The following PARD3B variants were observed in gnomAD, a reference collection of about 807,000 sequenced individuals.
PARD3B encodes the protein par-3 family cell polarity regulator beta, also known as partitioning defective 3 homolog B.
PARD3B carries 103 observed loss-of-function variants against 130.2 expected under a neutral mutation model. The ratio of observed to expected loss-of-function variants is 0.79; its 90% CI spans 0.67 to 0.93. The LOEUF (loss-of-function observed/expected upper bound fraction) is 0.93. Among genes scored for constraint, PARD3B ranks in the 40% least tolerant of loss-of-function variants. The probability of loss-of-function intolerance (pLI) is 0.00; values close to 1 mark genes in which losing one functional copy is unlikely to be tolerated. For synonymous variants in PARD3B, 583 were observed against 553.2 expected, an observed-to-expected ratio of 1.05 and a Z score of -0.76; for missense variants, 1,609 against 1,499.2, an observed-to-expected ratio of 1.07 and a Z score of -1.21.
At chr2:204,980,211 G>A (rs1243681526) in intron 3 of PARD3B, among the ~76,000 whole-genome samples, 1 of 152,162 alleles carries the variant, frequency 6.6e-6, no homozygotes, top group East Asian at 1.9e-4. Flanking sequence ...ATATAAAGGT[G>A]TTCAACTTCA....
At chr2:205,427,542 G>A (rs2047184688) in intron 19 of PARD3B, among the ~76,000 whole-genome samples, 1 of 152,034 alleles carries the variant, frequency 6.6e-6, no homozygotes, top group Admixed American at 6.6e-5. Flanking sequence ...AGAAAAATAT[G>A]GACAGTATGC....
In PARD3B at chr2:205,185,823, C is replaced by T; in HGVS notation, c.1984C>T (p.His662Tyr). 6.2e-7 allele frequency: 1 copy of T among 1,614,072 alleles called. No individual in the cohort carries two copies. The highest frequency in any genetic ancestry group is 8.5e-7 in the Non-Finnish European group (1 of 1,179,932). The change falls in exon 14 of 23, where the codon CAT (histidine) becomes TAT (tyrosine). Residue 662 changes from histidine to tyrosine, a missense_variant. His to Tyr is a moderately conservative substitution (Grantham distance 83, BLOSUM62 2). Coordinates refer to ENST00000406610, the MANE Select transcript of PARD3B (RefSeq NM_001302769.2). ...TGAAGTTCCACCTTCTCCAACACCA[C>T]ATTCTGCTCTGGGATTGGGCCTCGA... ...ESEVPPSPTP[H>Y]SALGLGLEDY... is the part of the protein sequence containing the mutation.
At chr2:204,722,123 A>G (rs1025534670) in intron 2 of PARD3B, among the ~76,000 whole-genome samples, 1 of 152,200 alleles carries the variant, frequency 6.6e-6, no homozygotes, top group African/African-American at 2.4e-5. Flanking sequence ...GATACCACAA[A>G]TCAAAAATAT....
intron 2 of PARD3B, among the ~76,000 whole-genome samples, chr2:204,876,404 A>T (rs940707744): frequency 6.6e-6 from 1 of 152,168 alleles, no homozygotes. Context: ...TCCACTGTTC[A>T]TCATGTAATT....
At position 205,336,360 on chromosome 2, in the gene PARD3B, C is replaced by T. The variant is rs145388912; in HGVS notation, c.2630+34659C>T. ...CTGGAAAGTCTGTACTTAAAATGAG[C>T]AACTCCATTCCTGATTTTTACATTG... is the stretch of plus-strand genomic sequence containing the variant. On this transcript the variant is annotated intron_variant, in intron 18 of 22. Transcript: ENST00000406610. Among the ~76,000 whole-genome samples the T allele has an allele frequency of 3.0e-4, 46 of 152,336 alleles. No homozygotes were observed. The East Asian group carries it at 7.7e-3, about 26-fold the overall frequency.
chr2:205,054,791 C>A (rs1421975451), intron 4 of PARD3B, among the ~76,000 whole-genome samples: 1 of 152,066 alleles, frequency 6.6e-6, no homozygotes, highest in African/African-American at 2.4e-5. Flanking sequence ...AAACTTACAA[C>A]CTCGTTACAG....
intron 1 of PARD3B, among the ~76,000 whole-genome samples, chr2:204,587,085 C>T (rs908782255): frequency 1.3e-5 from 2 of 152,088 alleles, no homozygotes; most frequent in Non-Finnish European, 2.9e-5. Flanking sequence ...AAGTTAGTGA[C>T]TCTTCATGTC....
At chr2:205,163,186 C>T (rs1230040108) in intron 11 of PARD3B, among the ~76,000 whole-genome samples, 1 of 152,108 alleles carries the variant, frequency 6.6e-6, no homozygotes, top group Admixed American at 6.5e-5. Context: ...TGGTATGTCT[C>T]CTACTGAAAC....
chr2:205,370,371 G>A (rs959115882), intron 18 of PARD3B, among the ~76,000 whole-genome samples: 1 of 152,224 alleles, frequency 6.6e-6, no homozygotes, highest in African/African-American at 2.4e-5. Flanking sequence ...TGTAATTGCA[G>A]AAAGTAGGAG....
At chr2:205,057,123 C>T (rs1460846516) in intron 4 of PARD3B, among the ~76,000 whole-genome samples, 1 of 151,018 alleles carries the variant, frequency 6.6e-6, no homozygotes, top group African/African-American at 2.4e-5. Flanking sequence ...ATTTGTCCAC[C>T]GAGGTTCTCC....
chr2:205,002,341 G>T (rs1239729909), intron 3 of PARD3B, among the ~76,000 whole-genome samples: 1 of 152,272 alleles, frequency 6.6e-6, no homozygotes, highest in East Asian at 1.9e-4. Flanking sequence ...TCATTGAATG[G>T]TGCCAGACCC....
chr2:205,209,771 T>C (rs888746777), intron 15 of PARD3B, among the ~76,000 whole-genome samples: 1 of 151,876 alleles, frequency 6.6e-6, no homozygotes, highest in Admixed American at 6.6e-5. Context: ...GATGCAGTAG[T>C]TGCAGTTTGT....
chr2:205,132,332 G>A (rs1049745107), intron 10 of PARD3B, among the ~76,000 whole-genome samples: 2 of 152,044 alleles, frequency 1.3e-5, no homozygotes, highest in African/African-American at 4.8e-5. Flanking sequence ...ACTTGTTGCA[G>A]GAGAAAACAA....
chr2:205,552,730 A>G (rs904746980), intron 21 of PARD3B, among the ~76,000 whole-genome samples: 1 of 152,100 alleles, frequency 6.6e-6, no homozygotes, highest in African/African-American at 2.4e-5. Flanking sequence ...GGTGCTTTTA[A>G]AAATATGGTC....
chr2:205,241,638 C>A lies in PARD3B; in HGVS notation c.2141-4140C>A, dbSNP rs1441749551. On this transcript the variant is annotated intron_variant, in intron 15 of 22. Coordinates refer to ENST00000406610, the MANE Select transcript of PARD3B (RefSeq NM_001302769.2). The surrounding 1 kb of genome is among the most constrained non-coding windows in gnomAD (Gnocchi z 4.2). ...AAAAATTCTGTCATCAGAACGAGAACAAGAAACTTAGACTCTTGCTCCATC... is the reference window on the plus strand; with the variant it reads ...AAAAATTCTGTCATCAGAACGAGAAAAAGAAACTTAGACTCTTGCTCCATC... 6.6e-6 allele frequency among the ~76,000 whole-genome samples: 1 copy of A among 152,088 alleles called. No individual in the cohort carries two copies. Among genetic ancestry groups the A allele is most frequent in the African/African-American group, 2.4e-5 (1 of 41,454 alleles).
At chr2:205,266,342 A>C (rs115573763) in intron 16 of PARD3B, among the ~76,000 whole-genome samples, 2 of 152,298 alleles carry the variant, frequency 1.3e-5, no homozygotes, top group African/African-American at 4.8e-5. Context: ...TTAAGAAGAC[A>C]TAATAATGAG....
At chr2:205,156,061 A>T (rs1456141880) in intron 10 of PARD3B, among the ~76,000 whole-genome samples, 2 of 152,054 alleles carry the variant, frequency 1.3e-5, no homozygotes, top group Non-Finnish European at 2.9e-5. Context: ...GCACATATAC[A>T]CCATGGAATA....
intron 4 of PARD3B, among the ~76,000 whole-genome samples, chr2:205,097,935 C>T (rs1483977076): frequency 2.0e-5 from 3 of 151,708 alleles, no homozygotes; most frequent in Non-Finnish European, 4.4e-5. Flanking sequence ...GAGAGATTTC[C>T]AATGGCAAGG....
chr2:204,809,345 T>C lies in PARD3B; in HGVS notation c.222+123063T>C, dbSNP rs183475408. On this transcript the variant is annotated intron_variant, in intron 2 of 22. Transcript: ENST00000406610. ...TTTTGGCATCTTTGTCATGAAACCT[T>C]TGCCAGTTTCTATGTTCAGAATGAT... is the stretch of plus-strand genomic sequence containing the variant. Among the ~76,000 whole-genome samples the C allele has an allele frequency of 2.9e-3, 442 of 152,316 alleles. 2 individuals carry two copies. Among genetic ancestry groups the C allele is most frequent in the African/African-American group, 0.01 (417 of 41,572 alleles).
Sources: gnomAD v4.1 joint callset for allele counts (sites outside exome capture counted in the v4.1 genomes callset) on GRCh38, gnomAD v4.1.1 for gene constraint, Gnocchi (gnomAD v3.1) non-coding constraint, MANE v1.5 for transcripts, NCBI Gene and HGNC (gene_info 2026-07-23, HGNC 2026-07-21) for gene names.